The following CRHR2 variants were observed in gnomAD, a reference collection of about 807,000 sequenced individuals.
CRHR2 encodes corticotropin releasing hormone receptor 2, also known as corticotropin-releasing hormone receptor 2.
A neutral mutation model predicts 57.9 loss-of-function variants in CRHR2; 53 were observed. The observed-to-expected ratio is 0.92, with a 90% confidence interval of 0.73 to 1.15. CRHR2 has a LOEUF of 1.15. Ranked by LOEUF, CRHR2 falls within the 50% of genes most tolerant of loss-of-function variation. CRHR2 has a pLI of 0.00. For synonymous variants in CRHR2, 213 were observed against 220.9 expected (o/e 0.96, Z 0.32); for missense variants, 532 against 542.6 (o/e 0.98, Z 0.19).
intron 2 of CRHR2, among the ~76,000 whole-genome samples, chr7:30,669,303 C>T (rs1253977757): frequency 4.6e-5 from 7 of 152,172 alleles, no homozygotes; most frequent in Non-Finnish European, 7.3e-5. Flanking sequence ...CAGTCCTGAC[C>T]GCCTGAGCCC....
At chr7:30,689,017 G>A in intron 2 of CRHR2, 1 of 684,496 alleles carries the variant, frequency 1.5e-6, no homozygotes. Flanking sequence ...GCCTAGAATG[G>A]GGAAGGGCCT....
chr7:30,662,205 G>A lies in CRHR2; in HGVS notation c.709C>T (p.Pro237Ser). 6.2e-7 allele frequency: 1 copy of A among 1,614,156 alleles called. No homozygotes were observed. Among genetic ancestry groups the A allele is most frequent in the African/African-American group, 1.3e-5 (1 of 75,050 alleles). ...CCGATGGCCCAGGCGACGATGATGG[G>A]GAAGGGGATGCCTGAAAGAAGGAAA... is the stretch of plus-strand genomic sequence containing the variant. ...FLFIGWCIPF[P>S]IIVAWAIGKL... Residue 237 changes from proline (P) to serine (S), a missense_variant, in exon 7 of 12, where the codon CCC (proline) becomes TCC (serine). Pro to Ser is a moderately conservative substitution (Grantham distance 74). Transcript: ENST00000471646.
intron 2 of CRHR2, among the ~76,000 whole-genome samples, chr7:30,668,596 G>A (rs1472848958): frequency 6.6e-6 from 1 of 152,200 alleles, no homozygotes; most frequent in Admixed American, 6.5e-5. Context: ...AAATAATTAA[G>A]TTACTTAAAA....
upstream of CRHR2, chr7:30,686,598 C>G (rs144884324): frequency 7.4e-7 from 1 of 1,358,608 alleles, no homozygotes; most frequent in East Asian, 2.5e-5. Context: ...TGCTTGAGCA[C>G]AGGAATTCAA....
chr7:30,699,528 G>T (rs1036686651), intron 1 of CRHR2, among the ~76,000 whole-genome samples: 7 of 150,542 alleles, frequency 4.6e-5, no homozygotes, highest in Non-Finnish European at 7.4e-5. Context: ...TCTTGCAGGA[G>T]AGATGGAGGG....
chr7:30,697,115 G>A (rs911299075), intron 1 of CRHR2, among the ~76,000 whole-genome samples: 1 of 152,228 alleles, frequency 6.6e-6, no homozygotes, highest in Non-Finnish European at 1.5e-5. Context: ...GTGTGTGTAT[G>A]TTAGGGGACA....
intron 2 of CRHR2, among the ~76,000 whole-genome samples, chr7:30,687,795 G>T (rs1784885155): frequency 6.6e-6 from 1 of 152,206 alleles, no homozygotes; most frequent in Non-Finnish European, 1.5e-5. Context: ...AAGGCTATGG[G>T]TCTGCTGACA....
chr7:30,684,899 G>A (rs188683594), upstream of CRHR2, among the ~76,000 whole-genome samples: 44 of 152,340 alleles, frequency 2.9e-4, no homozygotes, highest in Admixed American at 9.8e-4. Flanking sequence ...AACAAACAAA[G>A]ACAGGGGCAT....
Position 30,682,270 on chromosome 7 carries a change from G to A in CRHR2, c.11C>T (p.Ala4Val), listed in dbSNP as rs1784742338. The A allele has an allele frequency of 3.2e-6, 5 of 1,575,562 alleles. No individual in the cohort carries two copies. The highest frequency in any genetic ancestry group is 4.3e-6 in the Non-Finnish European group (5 of 1,168,794). Reference sequence around the variant, plus strand: ...GGCCTCCAGCAGGCTGTGGAGCAGTGCCGCGTCCATCGCGTCCCGCAGCCG... The same window carrying A: ...GGCCTCCAGCAGGCTGTGGAGCAGTACCGCGTCCATCGCGTCCCGCAGCCG... MDA[A>V]LLHSLLEANC... Residue 4 changes from alanine to valine, a missense_variant, in exon 1 of 12, where the codon GCA (alanine) becomes GTA (valine). By Grantham distance (64) the Ala-to-Val change is moderately conservative. Transcript: ENST00000471646.
upstream of CRHR2, among the ~76,000 whole-genome samples, chr7:30,683,122 G>A (rs927396714): frequency 2.0e-5 from 3 of 152,178 alleles, no homozygotes; most frequent in African/African-American, 4.8e-5. Context: ...GAGCCCAGAG[G>A]CAGGGATAAC....
chr7:30,697,588 C>A (rs1487583391), intron 1 of CRHR2, among the ~76,000 whole-genome samples: 1 of 152,062 alleles, frequency 6.6e-6, no homozygotes, highest in African/African-American at 2.4e-5. Flanking sequence ...TCAGTGTGCC[C>A]TGGGCCAGGG....
intron 11 of CRHR2, 176 bp downstream of exon 11, chr7:30,654,860 CCTT>C: frequency 1.3e-6 from 2 of 1,547,970 alleles, no homozygotes; most frequent in African/African-American, 2.7e-5. Context: ...GCATAGTTGA[CCTT>C]CTAAACTGGC....
In CRHR2 at chr7:30,696,752, A is replaced by G. The variant is rs928862043; in HGVS notation, c.-261+3192T>C. The stretch of plus-strand genomic sequence containing the variant: ...AAAATAAAATAAAATAATTAAAATT[A>G]AAATTTAAAAAGTTAGAATTTTGGA... On this transcript the variant is annotated intron_variant, in intron 1 of 13. Transcript: ENST00000341843. 2.0e-5 allele frequency among the ~76,000 whole-genome samples: 3 copies of G among 152,276 alleles called. No individual in the cohort carries two copies. In the South Asian group the frequency reaches 6.2e-4, roughly 32 times the overall value.
chr7:30,681,764 C>A (rs370685380), intron 2 of CRHR2, 151 bp downstream of exon 2: 13 of 1,205,802 alleles, frequency 1.1e-5, no homozygotes, highest in African/African-American at 1.6e-5. Flanking sequence ...AGGCGCGCCC[C>A]CAACACTGTA....
intron 2 of CRHR2, 37 bp downstream of exon 2, chr7:30,681,878 C>T: frequency 6.3e-7 from 1 of 1,586,986 alleles, no homozygotes; most frequent in African/African-American, 1.4e-5. Flanking sequence ...CTCAGGAGGC[C>T]GGTGTAGAGC....
intron 1 of CRHR2, among the ~76,000 whole-genome samples, chr7:30,692,692 C>T (rs60526282): frequency 3.3e-5 from 5 of 152,152 alleles, no homozygotes; most frequent in African/African-American, 7.2e-5. Context: ...GCTTCTTTCA[C>T]GTGAAGTCAG....
chr7:30,655,046 T>C lies in CRHR2; in HGVS notation c.1088A>G (p.Asn363Ser). 6.2e-7 allele frequency: 1 copy of C among 1,613,196 alleles called. No homozygotes were observed. Among genetic ancestry groups the C allele is most frequent in the East Asian group, 2.2e-5 (1 of 44,854 alleles). Reference protein sequence around the residue: ...FFVSVFYCFFNGEVRSAVRKR... With the variant: ...FFVSVFYCFFSGEVRSAVRKR... ...GAGGGCCCAGCTTCATACCTCTCCA[T>C]TGAAGAAGCAGTAGAAGACAGACAC... The change falls in exon 11 of 12, where the codon AAT becomes AGT. Residue 363 changes from asparagine (N) to serine (S), a missense_variant. Asn to Ser is a conservative substitution (Grantham distance 46, BLOSUM62 1). Coordinates refer to ENST00000471646, the MANE Select transcript of CRHR2 (RefSeq NM_001883.5).
Position 30,678,436 on chromosome 7 carries a change from G to T in CRHR2, c.229+3479C>A, listed in dbSNP as rs1359382773. On this transcript the variant is annotated intron_variant, in intron 2 of 11. Transcript: ENST00000471646. Reference sequence around the variant, plus strand: ...AGGTTGTGTAGAGAACACCCAAGGAGACTCGTGTGCTTAACTTGGCTCTGC... The same window carrying T: ...AGGTTGTGTAGAGAACACCCAAGGATACTCGTGTGCTTAACTTGGCTCTGC... 3.9e-5 allele frequency among the ~76,000 whole-genome samples: 6 copies of T among 152,182 alleles called. No individual in the cohort carries two copies. The East Asian group carries it at 1.2e-3, about 29-fold the overall frequency.
Position 30,653,976 on chromosome 7 carries a change from C to T in CRHR2, c.1096-376G>A, listed in dbSNP as rs41371946. 1.1e-3 allele frequency among the ~76,000 whole-genome samples: 165 copies of T among 152,152 alleles called. 4 individuals carry two copies. In the East Asian group the frequency reaches 0.026, roughly 24 times the overall value. On this transcript the variant is annotated intron_variant, in intron 11 of 11. Transcript: ENST00000471646. The surrounding 1 kb of genome is among the most constrained non-coding windows in gnomAD (Gnocchi z 5.0). The stretch of plus-strand genomic sequence containing the variant: ...TCTTGGGCCCCTGCTCCTTGCAGGG[C>T]GTTGGTGGTGTGCGCCCAGCTCACA...
Sources: allele counts gnomAD v4.1 joint callset (sites outside exome capture counted in the v4.1 genomes callset), GRCh38; gene constraint gnomAD v4.1.1; non-coding constraint Gnocchi (gnomAD v3.1); transcripts MANE v1.5; gene names NCBI Gene and HGNC (gene_info 2026-07-23, HGNC 2026-07-21).